SLC1A1: variants seen among roughly 807,000 people sequenced by gnomAD.
SLC1A1 encodes excitatory amino acid transporter 3.
Under a neutral mutation model 53.3 loss-of-function variants are expected in SLC1A1, and 43 were observed. The ratio of observed to expected loss-of-function variants is 0.81; its 90% CI spans 0.63 to 1.04. SLC1A1 has a LOEUF of 1.04. SLC1A1 is among the 50% of genes least tolerant of loss of function. The pLI is 0.00. For synonymous variants in SLC1A1, 307 were observed against 243.2 expected (o/e 1.26, Z -2.44); for missense variants, 748 against 664.9 (o/e 1.12, Z -1.37).
Position 4,549,757 on chromosome 9 carries a change from T to A in SLC1A1, c.232+5050T>A, listed in dbSNP as rs936340562. On this transcript the variant is annotated intron_variant, in intron 2 of 11. Coordinates refer to ENST00000262352, the MANE Select transcript of SLC1A1 (RefSeq NM_004170.6). This position sits in a 1 kb window ranked among gnomAD's most constrained non-coding sequence, Gnocchi z 4.1. ...GGATAGCCTTTCCTCGTGGACCCCA[T>A]CAGGAGCCTTCCATAGACTCCATAC... Among the ~76,000 whole-genome samples the A allele has an allele frequency of 2.4e-4, 37 of 152,114 alleles. No homozygotes were observed. The highest frequency in any genetic ancestry group is 1.8e-4 in the Non-Finnish European group (12 of 68,018).
intron 5 of SLC1A1, among the ~76,000 whole-genome samples, chr9:4,567,409 C>A (rs746557677): frequency 6.6e-6 from 1 of 152,134 alleles, no homozygotes; most frequent in Non-Finnish European, 1.5e-5. Flanking sequence ...ATCAACTTGT[C>A]GTTTATTGTG....
intron 9 of SLC1A1, 70 bp from the exon 10 acceptor site, chr9:4,576,499 G>T: frequency 1.6e-6 from 2 of 1,269,336 alleles, no homozygotes; most frequent in South Asian, 1.2e-5. Flanking sequence ...TGGAAGACAG[G>T]CATGTCTTCA....
chr9:4,527,511 G>A (rs1816305152), intron 1 of SLC1A1, among the ~76,000 whole-genome samples: 1 of 152,054 alleles, frequency 6.6e-6, no homozygotes, highest in African/African-American at 2.4e-5. Context: ...TTTTATCTGA[G>A]TACTATGATC....
At chr9:4,513,719 G>A (rs1016798902) in intron 1 of SLC1A1, among the ~76,000 whole-genome samples, 3 of 152,152 alleles carry the variant, frequency 2.0e-5, no homozygotes, top group Admixed American at 2.0e-4. Context: ...CTAGAGAAAG[G>A]AAAACATGTT....
chr9:4,563,247 T>G (rs758353581), intron 3 of SLC1A1, among the ~76,000 whole-genome samples: 2 of 151,548 alleles, frequency 1.3e-5, no homozygotes, highest in Admixed American at 1.3e-4. Flanking sequence ...AATGAGCTGA[T>G]AAGAAGGGGT....
In SLC1A1 at chr9:4,583,870, TCTCTCTCTCTCTCA is replaced by T. The variant is rs1821330918; in HGVS notation, c.1328+700_1328+713del. On this transcript the variant is annotated intron_variant, in intron 11 of 11. Transcript: ENST00000262352. The surrounding 1 kb of genome is among the most constrained non-coding windows in gnomAD (Gnocchi z 4.6). ...AACAACACTTCTCTCTCTCTCTCTC[TCTCTCTCTCTCTCA>T]CACACACACACACACACACACACAC... is the stretch of plus-strand genomic sequence containing the variant. 7.7e-6 allele frequency among the ~76,000 whole-genome samples: 1 copy of T among 130,428 alleles called. No homozygotes were observed. Among genetic ancestry groups the T allele is most frequent in the Non-Finnish European group, 1.5e-5 (1 of 64,968 alleles). 85.6% of individuals were successfully genotyped at this position (130,428 alleles called of 152,430 possible).
intron 6 of SLC1A1, among the ~76,000 whole-genome samples, chr9:4,568,098 G>C (rs1465389072): frequency 6.6e-6 from 1 of 152,006 alleles, no homozygotes; most frequent in Non-Finnish European, 1.5e-5. Flanking sequence ...TTGCATTTTT[G>C]TGATTTTTCT....
intron 1 of SLC1A1, among the ~76,000 whole-genome samples, chr9:4,533,079 G>C (rs1412766407): frequency 2.0e-5 from 3 of 152,126 alleles, no homozygotes; most frequent in Non-Finnish European, 4.4e-5. Flanking sequence ...AACATGGAAA[G>C]GAAAAACCGG....
intron 1 of SLC1A1, among the ~76,000 whole-genome samples, chr9:4,500,383 C>G (rs1484807555): frequency 6.6e-6 from 1 of 152,176 alleles, no homozygotes. Flanking sequence ...ATCTCGGCTA[C>G]TGCAACCTCC....
intron 5 of SLC1A1, 139 bp from the exon 6 acceptor site, chr9:4,567,530 G>A (rs1819603438): frequency 1.5e-6 from 1 of 682,742 alleles, no homozygotes; most frequent in Admixed American, 2.1e-5. Flanking sequence ...GTTGACAACT[G>A]GAGCCAACAG....
intron 2 of SLC1A1, among the ~76,000 whole-genome samples, chr9:4,560,325 T>C (rs1297508106): frequency 6.6e-6 from 1 of 152,210 alleles, no homozygotes; most frequent in African/African-American, 2.4e-5. Context: ...AAATACATTC[T>C]GGTACAGCCA....
At chr9:4,534,375 G>A (rs1007029773) in intron 1 of SLC1A1, among the ~76,000 whole-genome samples, 4 of 151,954 alleles carry the variant, frequency 2.6e-5, no homozygotes, top group African/African-American at 9.7e-5. Flanking sequence ...AATGATAAAG[G>A]GGATATCACC....
chr9:4,495,925 G>A (rs902192269), intron 1 of SLC1A1, among the ~76,000 whole-genome samples: 7 of 152,170 alleles, frequency 4.6e-5, no homozygotes, highest in Non-Finnish European at 8.8e-5. Flanking sequence ...GTTCCACGGT[G>A]GACGTGTTGA....
intron 6 of SLC1A1, among the ~76,000 whole-genome samples, chr9:4,571,061 C>T (rs1289721940): frequency 6.6e-6 from 1 of 152,078 alleles, no homozygotes; most frequent in East Asian, 1.9e-4. Flanking sequence ...TTAAAAAGAA[C>T]AAGATCATGT....
intron 1 of SLC1A1, among the ~76,000 whole-genome samples, chr9:4,505,765 T>C (rs1820787492): frequency 6.6e-6 from 1 of 152,198 alleles, no homozygotes; most frequent in African/African-American, 2.4e-5. Context: ...CAAGCAATTC[T>C]GCTGCCTCAG....
intron 3 of SLC1A1, 152 bp from the exon 4 acceptor site, chr9:4,564,192 T>A (rs1462632839): frequency 3.0e-6 from 2 of 677,512 alleles, no homozygotes; most frequent in African/African-American, 1.8e-5. Flanking sequence ...CTGCTGAGGT[T>A]CCAGAGGAGG....
At chr9:4,498,501 A>C (rs1820519465) in intron 1 of SLC1A1, among the ~76,000 whole-genome samples, 1 of 151,880 alleles carries the variant, frequency 6.6e-6, no homozygotes, top group South Asian at 2.1e-4. Context: ...CCTCAAAACC[A>C]GTGATTTCCA....
chr9:4,520,734 C>T (rs1226705808), intron 1 of SLC1A1, among the ~76,000 whole-genome samples: 2 of 152,108 alleles, frequency 1.3e-5, no homozygotes, highest in Non-Finnish European at 2.9e-5. Context: ...ATTTCTTGTA[C>T]AGTTTTTGTG....
At chr9:4,551,937 C>G (rs1452607469) in intron 2 of SLC1A1, among the ~76,000 whole-genome samples, 1 of 152,174 alleles carries the variant, frequency 6.6e-6, no homozygotes, top group African/African-American at 2.4e-5. Flanking sequence ...AGGAAGAGCT[C>G]CCATAATGAA....
Sources: allele counts gnomAD v4.1 joint callset (sites outside exome capture counted in the v4.1 genomes callset), GRCh38; gene constraint gnomAD v4.1.1; non-coding constraint Gnocchi (gnomAD v3.1); transcripts MANE v1.5; gene names NCBI Gene and HGNC (gene_info 2026-07-23, HGNC 2026-07-21).